The following CIB4 variants were observed in gnomAD, a reference collection of about 807,000 sequenced individuals.
CIB4 encodes the protein calcium and integrin binding family member 4.
CIB4 carries 25 observed loss-of-function variants against 25.8 expected under a neutral mutation model. That is an observed-to-expected ratio of 0.97 (90% confidence interval 0.71 to 1.35). CIB4 has a LOEUF of 1.35. CIB4 is among the 40% of genes most tolerant of loss of function. The pLI is 0.00. For missense variants in CIB4, 235 were observed against 228.2 expected (o/e 1.03, Z -0.19); for synonymous variants, 75 against 81.4 (o/e 0.92, Z 0.42).
chr2:26,593,592 T>C (rs990873880), intron 4 of CIB4, among the ~76,000 whole-genome samples: 8 of 152,184 alleles, frequency 5.3e-5, no homozygotes, highest in African/African-American at 1.9e-4. Flanking sequence ...CAGTCTCCAT[T>C]CTTGAGAATT....
chr2:26,595,006 C>G (rs1389427587), intron 4 of CIB4, among the ~76,000 whole-genome samples, 170 bp downstream of exon 4: 1 of 151,654 alleles, frequency 6.6e-6, no homozygotes, highest in Non-Finnish European at 1.5e-5. Flanking sequence ...CTGTCATTCT[C>G]AATCTTTTTT....
At chr2:26,617,346 C>T (rs1312097780) in intron 3 of CIB4, among the ~76,000 whole-genome samples, 1 of 152,136 alleles carries the variant, frequency 6.6e-6, no homozygotes, top group Non-Finnish European at 1.5e-5. Flanking sequence ...AATTCAAACA[C>T]CCTTATTTCC....
intron 2 of CIB4, among the ~76,000 whole-genome samples, chr2:26,634,565 C>G (rs1669494917): frequency 6.6e-6 from 1 of 152,130 alleles, no homozygotes; most frequent in Admixed American, 6.5e-5. Flanking sequence ...GTTCTATTTC[C>G]CTCAACTATT....
intron 3 of CIB4, among the ~76,000 whole-genome samples, chr2:26,609,505 C>T (rs925042416): frequency 1.3e-5 from 2 of 152,058 alleles, no homozygotes; most frequent in South Asian, 2.1e-4. Flanking sequence ...GAATGTGAAG[C>T]GAAGCAGACA....
chr2:26,588,994 TTCTTCTTCTTCTTC>T (rs1668512210), intron 4 of CIB4, among the ~76,000 whole-genome samples: 1 of 8,216 alleles, frequency 1.2e-4, no homozygotes, highest in African/African-American at 3.6e-4. Flanking sequence ...CTTCTTCTTC[TTCTTCTTCTTCTTC>T]TTCTTCTTCT....
At chr2:26,598,626 C>A (rs369465246) in intron 3 of CIB4, among the ~76,000 whole-genome samples, 46 of 152,260 alleles carry the variant, frequency 3.0e-4, no homozygotes, top group African/African-American at 1.1e-3. Flanking sequence ...TCCTGGGGAC[C>A]CAGGAGTGGC....
At chr2:26,621,961 A>C (rs748650596) in intron 3 of CIB4, among the ~76,000 whole-genome samples, 15 of 152,268 alleles carry the variant, frequency 9.9e-5, no homozygotes, top group Non-Finnish European at 1.3e-4. Context: ...ACTAAGCAAA[A>C]ACAATGATGA....
At chr2:26,632,354 G>A (rs1050666387) in intron 2 of CIB4, among the ~76,000 whole-genome samples, 2 of 152,188 alleles carry the variant, frequency 1.3e-5, no homozygotes, top group Admixed American at 6.5e-5. Context: ...AGTGTGGAAC[G>A]GGTTGGGGGA....
intron 3 of CIB4, among the ~76,000 whole-genome samples, chr2:26,595,897 GCACACACACA>G (rs61283412): frequency 4.0e-4 from 13 of 32,108 alleles, no homozygotes; most frequent in African/African-American, 6.2e-4. Flanking sequence ...TTATCTGCGC[GCACACACACA>G]CACACACACA....
At chr2:26,623,027 T>TA (rs559030009) in intron 3 of CIB4, among the ~76,000 whole-genome samples, 2 of 151,282 alleles carry the variant, frequency 1.3e-5, no homozygotes, top group East Asian at 1.9e-4. Flanking sequence ...TGATAAAAAC[T>TA]AAAAAAAATT....
chr2:26,638,362 G>A (rs1433570444), intron 2 of CIB4, among the ~76,000 whole-genome samples: 1 of 152,140 alleles, frequency 6.6e-6, no homozygotes, highest in Non-Finnish European at 1.5e-5. Flanking sequence ...GAAGGGAGGC[G>A]TCCATAAGCA....
chr2:26,617,727 T>G (rs370327607), intron 3 of CIB4, among the ~76,000 whole-genome samples: 84 of 152,286 alleles, frequency 5.5e-4, no homozygotes, highest in African/African-American at 1.9e-3. Flanking sequence ...CTGCCTGGGT[T>G]GAGGATGATC....
At chr2:26,624,217 A>T (rs1444390653) in intron 3 of CIB4, among the ~76,000 whole-genome samples, 7 of 152,170 alleles carry the variant, frequency 4.6e-5, no homozygotes, top group African/African-American at 1.7e-4. Flanking sequence ...TTATATCAGT[A>T]CCCAGAGCTC....
chr2:26,597,787 C>T (rs1023277582), intron 3 of CIB4, among the ~76,000 whole-genome samples: 3 of 151,828 alleles, frequency 2.0e-5, no homozygotes, highest in Non-Finnish European at 4.4e-5. Flanking sequence ...TCTAGGCTAA[C>T]CTGCTCATCT....
intron 3 of CIB4, among the ~76,000 whole-genome samples, chr2:26,607,809 G>A (rs1170869307): frequency 6.6e-6 from 1 of 152,256 alleles, no homozygotes; most frequent in East Asian, 1.9e-4. Context: ...GTGTCCAGGG[G>A]TTCACCCTGC....
At chr2:26,582,778 C>T (rs753916098) in intron 6 of CIB4, 47 bp downstream of exon 6, 13 of 1,221,844 alleles carry the variant, frequency 1.1e-5, no homozygotes, top group African/African-American at 7.4e-5. Context: ...GCCCTTCCTG[C>T]CCCCACCACT....
intron 3 of CIB4, among the ~76,000 whole-genome samples, chr2:26,597,434 A>G (rs908102299): frequency 1.3e-5 from 2 of 151,958 alleles, no homozygotes; most frequent in Non-Finnish European, 2.9e-5. Context: ...ATTAAAAAAA[A>G]AAAAAAACTG....
At chr2:26,606,592 C>T (rs1346380197) in intron 3 of CIB4, among the ~76,000 whole-genome samples, 1 of 152,158 alleles carries the variant, frequency 6.6e-6, no homozygotes, top group African/African-American at 2.4e-5. Context: ...TCTGAAACCC[C>T]TCAGAGACTC....
chr2:26,640,510 A>T (rs753970605), intron 2 of CIB4, 23 bp downstream of exon 2: 15 of 1,611,970 alleles, frequency 9.3e-6, no homozygotes, highest in Non-Finnish European at 1.2e-5. Context: ...GGAGAAGGAA[A>T]GAGGGGCGGG....
Sources: gnomAD v4.1 joint callset for allele counts (sites outside exome capture counted in the v4.1 genomes callset) on GRCh38, gnomAD v4.1.1 for gene constraint, MANE v1.5 for transcripts, NCBI Gene and HGNC (gene_info 2026-07-23, HGNC 2026-07-21) for gene names.